GSE1: variants seen among roughly 807,000 people sequenced by gnomAD.
GSE1 encodes the protein genetic suppressor element 1.
GSE1 carries 32 observed loss-of-function variants against 112.6 expected under a neutral mutation model. The observed-to-expected ratio is 0.28, with a 90% CI of 0.21 to 0.38. The LOEUF (loss-of-function observed/expected upper bound fraction) is 0.38, where lower values mean the gene tolerates loss of function less well. Ranked by LOEUF, GSE1 falls within the 10% of genes least tolerant of loss-of-function variation. The pLI is 1.00. For missense variants in GSE1, 2,348 were observed against 1,699.2 expected, an observed-to-expected ratio of 1.38 and a Z score of -6.71; for synonymous variants, 1,115 against 735.6, an observed-to-expected ratio of 1.52 and a Z score of -8.35.
intron 1 of GSE1, among the ~76,000 whole-genome samples, chr16:85,304,610 G>GT (rs1555557466): frequency 8.0e-6 from 1 of 124,574 alleles, no homozygotes. Context: ...GCGGGGGGGT[G>GT]GGGCATCCCT....
chr16:85,230,992 G>C (rs908854474), intron 1 of GSE1, among the ~76,000 whole-genome samples: 1 of 151,906 alleles, frequency 6.6e-6, no homozygotes, highest in Non-Finnish European at 1.5e-5. Flanking sequence ...TGGATAGAAG[G>C]ACAGATGGAT....
intron 1 of GSE1, among the ~76,000 whole-genome samples, chr16:85,260,224 C>T (rs1015828289): frequency 6.6e-6 from 1 of 152,012 alleles, no homozygotes; most frequent in Admixed American, 6.5e-5. Context: ...CTAGTTGCCT[C>T]TGGTCTTGGG....
At chr16:85,193,480 G>C (rs2074866921) in intron 1 of GSE1, among the ~76,000 whole-genome samples, 1 of 145,128 alleles carries the variant, frequency 6.9e-6, no homozygotes, top group Admixed American at 6.8e-5. Context: ...TGTTTTTTTT[G>C]AGTTGGTCTC....
At chr16:85,182,038 G>A (rs932075755) in intron 1 of GSE1, among the ~76,000 whole-genome samples, 6 of 152,340 alleles carry the variant, frequency 3.9e-5, no homozygotes, top group African/African-American at 7.2e-5. Context: ...GCCCCGGAAC[G>A]TCCAGAATGT....
intron 1 of GSE1, among the ~76,000 whole-genome samples, chr16:85,338,723 A>G (rs182615147): frequency 6.6e-6 from 1 of 152,268 alleles, no homozygotes; most frequent in Non-Finnish European, 1.5e-5. Context: ...TGAGGTAGCT[A>G]GTAGGTACTG....
In GSE1 at chr16:85,671,000, A is replaced by G; in HGVS notation, c.3421A>G (p.Asn1141Asp). The G allele has an allele frequency of 6.2e-7, 1 of 1,605,642 alleles. No homozygotes were observed. Among genetic ancestry groups the G allele is most frequent in the East Asian group, 2.2e-5 (1 of 44,728 alleles). ...EAYQEHIEEQ[N>D]LERQVLQTQC... ...ACCATCTCCTGTCTTTTCAGAGCAA[A>G]ATCTGGAGCGGCAGGTGTTACAGAC... Residue 1141 changes from asparagine to aspartate, a missense_variant, in exon 15 of 16, where the codon AAT becomes GAT. By Grantham distance (23) the Asn-to-Asp change is conservative. Transcript: ENST00000253458.
At chr16:85,194,774 CCTT>C (rs1254636910) in intron 1 of GSE1, among the ~76,000 whole-genome samples, 1 of 152,152 alleles carries the variant, frequency 6.6e-6, no homozygotes. Context: ...GCTGAAAAGA[CCTT>C]CTCTCCAGGG....
intron 1 of GSE1, among the ~76,000 whole-genome samples, chr16:85,279,853 C>T (rs2044803651): frequency 6.6e-6 from 1 of 152,164 alleles, no homozygotes; most frequent in African/African-American, 2.4e-5. Flanking sequence ...AAGAGCCGCC[C>T]ATTTCCCGGT....
intron 2 of GSE1, among the ~76,000 whole-genome samples, chr16:85,543,413 AAG>A (rs1175638663): frequency 6.6e-6 from 1 of 152,190 alleles, no homozygotes; most frequent in Non-Finnish European, 1.5e-5. Flanking sequence ...GTTGGGGAGA[AAG>A]AGGACTGCAG....
chr16:85,264,440 T>G (rs1031901911), intron 1 of GSE1, among the ~76,000 whole-genome samples: 5 of 152,010 alleles, frequency 3.3e-5, no homozygotes, highest in African/African-American at 1.2e-4. Context: ...CCCCTGAGGT[T>G]TCCGGGCCCA....
intron 2 of GSE1, among the ~76,000 whole-genome samples, chr16:85,401,426 G>A (rs552557413): frequency 3.3e-5 from 5 of 152,320 alleles, no homozygotes; most frequent in South Asian, 4.1e-4. Flanking sequence ...CAGCGGGACC[G>A]GAGCTCGGGG....
intron 2 of GSE1, among the ~76,000 whole-genome samples, chr16:85,537,510 A>G (rs2044371517): frequency 6.6e-6 from 1 of 152,178 alleles, no homozygotes; most frequent in Admixed American, 6.6e-5. Context: ...GCTGGGGCCC[A>G]GCTCAGCCAG....
intron 2 of GSE1, among the ~76,000 whole-genome samples, chr16:85,381,760 G>A (rs995089264): frequency 6.6e-6 from 1 of 152,194 alleles, no homozygotes; most frequent in South Asian, 2.1e-4. Context: ...AGGCCCAGGA[G>A]GCCTCCCTTG....
chr16:85,543,519 G>C lies in GSE1; in HGVS notation c.2465-90395G>C, dbSNP rs2044595977. On this transcript the variant is annotated intron_variant, in intron 2 of 2. Transcript: ENST00000637419. ...TCCCCATGTTTTTTGCATGAGCCCT[G>C]CTGGGGGGCAGGCCCTGGGTCCCTT... Among the ~76,000 whole-genome samples the C allele has an allele frequency of 3.9e-5, 6 of 152,302 alleles. No homozygotes were observed. In the South Asian group the frequency reaches 1.2e-3, roughly 32 times the overall value.
At chr16:85,641,956 G>A (rs541761212) in intron 2 of GSE1, among the ~76,000 whole-genome samples, 7 of 152,246 alleles carry the variant, frequency 4.6e-5, no homozygotes, top group South Asian at 2.1e-4. Flanking sequence ...GAAACAGGTC[G>A]GTAGGCGAAA....
chr16:85,624,992 G>A (rs1438384604), intron 1 of GSE1, among the ~76,000 whole-genome samples: 4 of 152,186 alleles, frequency 2.6e-5, no homozygotes, highest in South Asian at 2.1e-4. Context: ...ACAGGTAGCC[G>A]GCGCCCTGTA....
At chr16:85,269,454 G>A (rs1567651830) in intron 1 of GSE1, among the ~76,000 whole-genome samples, 2 of 149,484 alleles carry the variant, frequency 1.3e-5, no homozygotes, top group African/African-American at 2.4e-5. Context: ...GTGAGTGTGT[G>A]TGTGTGTGTG....
At chr16:85,627,667 C>T (rs910367419) in intron 1 of GSE1, among the ~76,000 whole-genome samples, 1 of 151,274 alleles carries the variant, frequency 6.6e-6, no homozygotes, top group Non-Finnish European at 1.5e-5. Context: ...CGGAGACAGC[C>T]CCCGGCCCCC....
chr16:85,414,866 C>T (rs941410516), intron 2 of GSE1, among the ~76,000 whole-genome samples: 2 of 152,140 alleles, frequency 1.3e-5, no homozygotes, highest in Non-Finnish European at 2.9e-5. Context: ...GAACTCCTGA[C>T]CTCAGGCGAT....
Sources: allele counts gnomAD v4.1 joint callset (sites outside exome capture counted in the v4.1 genomes callset), GRCh38; gene constraint gnomAD v4.1.1; transcripts MANE v1.5; gene names NCBI Gene and HGNC (gene_info 2026-07-23, HGNC 2026-07-21).